NRXN3: variants seen among roughly 807,000 people sequenced by gnomAD.
NRXN3 encodes the protein neurexin 3.
NRXN3 carries 32 observed loss-of-function variants against 137.6 expected under a neutral mutation model. The ratio of observed to expected loss-of-function variants is 0.23; its 90% confidence interval spans 0.18 to 0.31. The LOEUF (loss-of-function observed/expected upper bound fraction) is 0.31, where lower values mean the gene tolerates loss of function less well. NRXN3 is among the 10% of genes least tolerant of loss of function. NRXN3 has a pLI of 1.00. For synonymous variants in NRXN3, 798 were observed against 784.5 expected, an observed-to-expected ratio of 1.02 and a Z score of -0.29; for missense variants, 1,574 against 2,062.5, an observed-to-expected ratio of 0.76 and a Z score of 4.59.
chr14:78,233,355 C>T (rs1303293459), intron 1 of NRXN3, among the ~76,000 whole-genome samples: 1 of 152,164 alleles, frequency 6.6e-6, no homozygotes, highest in Non-Finnish European at 1.5e-5. Flanking sequence ...TTCTCTTCCG[C>T]AGTTGCTTAT....
intron 4 of NRXN3, among the ~76,000 whole-genome samples, chr14:78,614,165 G>T (rs1045178971): frequency 6.6e-6 from 1 of 152,154 alleles, no homozygotes; most frequent in Non-Finnish European, 1.5e-5. Context: ...TCCATGTGTG[G>T]GAACACACAG....
At chr14:78,714,066 A>G (rs1008810424) in intron 7 of NRXN3, among the ~76,000 whole-genome samples, 2 of 152,190 alleles carry the variant, frequency 1.3e-5, no homozygotes, top group East Asian at 3.8e-4. Context: ...TTCCATACAC[A>G]TTTATTAAAT....
Position 79,440,148 on chromosome 14 carries a change from A to T in NRXN3, c.3263-27073A>T, listed in dbSNP as rs374089012. Among the ~76,000 whole-genome samples, 45 of 152,336 alleles carry T rather than the reference A, an allele frequency of 3.0e-4. 1 individual carries two copies. The highest frequency in any genetic ancestry group is 9.9e-4 in the African/African-American group (41 of 41,578). On this transcript the variant is annotated intron_variant, in intron 15 of 20. Transcript: ENST00000335750. Reference sequence around the variant, plus strand: ...AGTGGATGGTTTTAGCATTTACCCTATGGAAGCTTATAGCCTGGATGGCAA... The same window carrying T: ...AGTGGATGGTTTTAGCATTTACCCTTTGGAAGCTTATAGCCTGGATGGCAA...
intron 8 of NRXN3, among the ~76,000 whole-genome samples, chr14:78,747,012 GA>G (rs2098611025): frequency 6.6e-6 from 1 of 152,116 alleles, no homozygotes; most frequent in African/African-American, 2.4e-5. Context: ...CTCCACTTGG[GA>G]GGAGTAGGTA....
intron 15 of NRXN3, among the ~76,000 whole-genome samples, chr14:79,197,540 C>T (rs1351894072): frequency 6.7e-6 from 1 of 150,262 alleles, no homozygotes; most frequent in African/African-American, 2.5e-5. Flanking sequence ...TCTTTTCTTA[C>T]TGTATCTGTA....
At chr14:78,632,621 A>G (rs1201712683) in intron 4 of NRXN3, among the ~76,000 whole-genome samples, 4 of 152,200 alleles carry the variant, frequency 2.6e-5, no homozygotes, top group Non-Finnish European at 5.9e-5. Flanking sequence ...TAGTTTTATC[A>G]TTTGAAAAAT....
At chr14:79,598,963 T>C (rs2097892854) in intron 16 of NRXN3, among the ~76,000 whole-genome samples, 1 of 152,192 alleles carries the variant, frequency 6.6e-6, no homozygotes, top group Non-Finnish European at 1.5e-5. Flanking sequence ...TCTCAAAAAA[T>C]TCTTTTAGTT....
intron 15 of NRXN3, among the ~76,000 whole-genome samples, chr14:79,093,146 G>A (rs1375594845): frequency 6.6e-6 from 1 of 152,168 alleles, no homozygotes. Flanking sequence ...CAAGGAAAGA[G>A]GCAACTTCAA....
At chr14:79,849,639 C>T (rs1039147334) in intron 20 of NRXN3, among the ~76,000 whole-genome samples, 6 of 151,990 alleles carry the variant, frequency 3.9e-5, no homozygotes, top group Admixed American at 6.6e-5. Context: ...AAAAGGGAAC[C>T]GTTGTACACT....
intron 19 of NRXN3, among the ~76,000 whole-genome samples, chr14:79,727,367 G>A (rs2098897103): frequency 1.3e-5 from 2 of 152,034 alleles, no homozygotes; most frequent in African/African-American, 2.4e-5. Flanking sequence ...ATCAAGTCAG[G>A]GATACCGATG....
intron 20 of NRXN3, among the ~76,000 whole-genome samples, chr14:79,809,353 G>C (rs2099223108): frequency 6.6e-6 from 1 of 152,148 alleles, no homozygotes; most frequent in Non-Finnish European, 1.5e-5. Flanking sequence ...TGGCCAGGCT[G>C]GTCTCAAACT....
At chr14:79,452,427 T>C (rs1009711266) in intron 15 of NRXN3, among the ~76,000 whole-genome samples, 1 of 152,176 alleles carries the variant, frequency 6.6e-6, no homozygotes, top group Non-Finnish European at 1.5e-5. Flanking sequence ...ATCTGTACTA[T>C]TGAATCAATG....
intron 4 of NRXN3, among the ~76,000 whole-genome samples, chr14:78,430,777 C>A (rs908553299): frequency 2.0e-5 from 3 of 152,198 alleles, no homozygotes; most frequent in Admixed American, 6.5e-5. Context: ...AGAAATAAAT[C>A]CTAATCCACC....
chr14:79,191,640 C>T (rs1335534790), intron 15 of NRXN3, among the ~76,000 whole-genome samples: 1 of 152,076 alleles, frequency 6.6e-6, no homozygotes, highest in African/African-American at 2.4e-5. Flanking sequence ...ACAGTAAACA[C>T]AATTAATAGC....
chr14:79,637,672 G>T (rs1441615730), intron 16 of NRXN3, among the ~76,000 whole-genome samples: 1 of 150,756 alleles, frequency 6.6e-6, no homozygotes, highest in African/African-American at 2.5e-5. Context: ...AAATTATAAA[G>T]GTTATTTTGT....
At chr14:78,710,627 C>G (rs1270425391) in intron 7 of NRXN3, among the ~76,000 whole-genome samples, 1 of 152,168 alleles carries the variant, frequency 6.6e-6, no homozygotes, top group African/African-American at 2.4e-5. Flanking sequence ...ATTAAAAAGT[C>G]TCTATTTGGA....
intron 16 of NRXN3, among the ~76,000 whole-genome samples, chr14:79,657,932 A>T (rs573198285): frequency 2.6e-4 from 39 of 152,306 alleles, no homozygotes; most frequent in Non-Finnish European, 2.4e-4. Context: ...ATTTTTTTAA[A>T]ATCACAACCA....
At chr14:78,229,415 A>G (rs931193370) in intron 1 of NRXN3, among the ~76,000 whole-genome samples, 1 of 151,958 alleles carries the variant, frequency 6.6e-6, no homozygotes, top group Non-Finnish European at 1.5e-5. Flanking sequence ...AATCTTGCAC[A>G]CTTGCTTGAT....
chr14:79,157,527 G>A (rs17108774), intron 15 of NRXN3, among the ~76,000 whole-genome samples: 5,205 of 151,878 alleles, frequency 0.034, 248 homozygotes, highest in East Asian at 0.23. Flanking sequence ...ATTACAGAAA[G>A]CAGCAAATAC....
Sources: allele counts gnomAD v4.1 joint callset (sites outside exome capture counted in the v4.1 genomes callset), GRCh38; gene constraint gnomAD v4.1.1; transcripts MANE v1.5; gene names NCBI Gene and HGNC (gene_info 2026-07-23, HGNC 2026-07-21).